RAB38: variants seen among roughly 807,000 people sequenced by gnomAD.
RAB38 encodes the protein ras-related protein Rab-38.
Under a neutral mutation model 18.4 loss-of-function variants are expected in RAB38, and 15 were observed. The observed-to-expected ratio is 0.82, with a 90% CI of 0.55 to 1.26. The LOEUF (loss-of-function observed/expected upper bound fraction) is 1.26, where lower values mean the gene tolerates loss of function less well. Among genes scored for constraint, RAB38 ranks in the 50% most tolerant of loss-of-function variants. The pLI is 0.00. For missense variants in RAB38, 294 were observed against 267.4 expected (o/e 1.10, Z -0.69); for synonymous variants, 101 against 104.4 (o/e 0.97, Z 0.20).
chr11:88,173,663 C>G, intron 1 of RAB38: 1 of 985,302 alleles, frequency 1.0e-6, no homozygotes, highest in Non-Finnish European at 1.2e-6. Flanking sequence ...TTTCGAGCAG[C>G]CAGAAGGGTT....
chr11:88,029,760 G>C, the RAB38 span, among the ~76,000 whole-genome samples: 1 of 151,908 alleles, frequency 6.6e-6, no homozygotes, highest in Admixed American at 6.6e-5. Flanking sequence ...AAGAGACTTA[G>C]ACTCCCACAC....
the RAB38 span, among the ~76,000 whole-genome samples, chr11:88,102,476 C>T: frequency 6.6e-6 from 1 of 152,048 alleles, no homozygotes. Context: ...TCAGGAATTG[C>T]ACACAATTTC....
the RAB38 span, among the ~76,000 whole-genome samples, chr11:87,849,468 A>G: frequency 2.0e-5 from 3 of 152,158 alleles, no homozygotes; most frequent in African/African-American, 7.2e-5. Flanking sequence ...TTTGGTGGGT[A>G]TCTTGTCACA....
the RAB38 span, among the ~76,000 whole-genome samples, chr11:87,806,831 A>G: frequency 2.6e-5 from 4 of 152,224 alleles, no homozygotes; most frequent in African/African-American, 7.2e-5. Flanking sequence ...ACTGCTAACA[A>G]TGAAATGTTT....
chr11:88,099,352 T>C, the RAB38 span, among the ~76,000 whole-genome samples: 1 of 91,298 alleles, frequency 1.1e-5, no homozygotes, highest in African/African-American at 6.4e-5. Context: ...CTTTCCTTGT[T>C]ATGTTATTTT....
At chr11:88,116,076 A>C (rs1942547519) in intron 2 of RAB38, among the ~76,000 whole-genome samples, 1 of 151,668 alleles carries the variant, frequency 6.6e-6, no homozygotes, top group African/African-American at 2.4e-5. Context: ...GTCTTCTGCC[A>C]CTCTTCCTCT....
At chr11:87,809,656 G>T in the RAB38 span, among the ~76,000 whole-genome samples, 1 of 151,018 alleles carries the variant, frequency 6.6e-6, no homozygotes, top group African/African-American at 2.4e-5. Context: ...AGAATAATCA[G>T]AGGAAGCAGA....
the RAB38 span, among the ~76,000 whole-genome samples, chr11:88,015,458 T>C: frequency 1.3e-5 from 2 of 152,150 alleles, no homozygotes; most frequent in South Asian, 2.1e-4. Flanking sequence ...GCTATAAGGA[T>C]TGAATGAGAT....
the RAB38 span, among the ~76,000 whole-genome samples, chr11:88,089,993 A>G: frequency 3.3e-5 from 5 of 151,932 alleles, no homozygotes; most frequent in East Asian, 9.8e-4. Flanking sequence ...CCCACCTCAG[A>G]ACTGGGGGAC....
At chr11:87,904,448 T>C in the RAB38 span, among the ~76,000 whole-genome samples, 2 of 151,822 alleles carry the variant, frequency 1.3e-5, no homozygotes, top group Admixed American at 6.6e-5. Context: ...CTGCATAGTA[T>C]TCTATTGTGT....
the RAB38 span, among the ~76,000 whole-genome samples, chr11:88,078,501 A>ATATATGTGTGTGTGTGTGTG: frequency 1.4e-4 from 21 of 148,794 alleles, no homozygotes; most frequent in African/African-American, 4.5e-4. Flanking sequence ...GTGTGTATAT[A>ATATATGTGTGTGTGTGTGTG]TGTGTGTGTG....
At chr11:87,973,940 CCAAA>C in the RAB38 span, among the ~76,000 whole-genome samples, 1 of 151,892 alleles carries the variant, frequency 6.6e-6, no homozygotes, top group Non-Finnish European at 1.5e-5. Context: ...AATAGATCAT[CCAAA>C]CAAAGAATAA....
the RAB38 span, among the ~76,000 whole-genome samples, chr11:88,040,803 A>G: frequency 2.0e-5 from 3 of 152,172 alleles, no homozygotes; most frequent in African/African-American, 7.2e-5. Context: ...GCTTCAATAC[A>G]TGAATTTTGG....
At chr11:87,824,938 T>G in the RAB38 span, among the ~76,000 whole-genome samples, 1 of 152,054 alleles carries the variant, frequency 6.6e-6, no homozygotes, top group Admixed American at 6.6e-5. Flanking sequence ...CATACATCAT[T>G]GTGAAATTTC....
chr11:88,133,321 A>T lies in RAB38; in HGVS notation c.483+16354T>A, dbSNP rs187615081. 4.5e-4 allele frequency among the ~76,000 whole-genome samples: 69 copies of T among 152,360 alleles called. 1 individual carries two copies. Among genetic ancestry groups the T allele is most frequent in the Admixed American group, 2.0e-3 (30 of 15,308 alleles). ...AAATGTTGGAAACTTCCAAAATTTG[A>T]AAGTTTTAAACAAATGTTATATATT... On this transcript the variant is annotated intron_variant, in intron 2 of 2. Coordinates refer to ENST00000243662, the MANE Select transcript of RAB38 (RefSeq NM_022337.3).
chr11:87,932,200 G>T, the RAB38 span, among the ~76,000 whole-genome samples: 1 of 151,934 alleles, frequency 6.6e-6, no homozygotes, highest in Non-Finnish European at 1.5e-5. Flanking sequence ...TACATGAGAG[G>T]TTGATAGGTA....
the RAB38 span, among the ~76,000 whole-genome samples, chr11:87,854,332 T>C: frequency 6.6e-6 from 1 of 152,208 alleles, no homozygotes; most frequent in Non-Finnish European, 1.5e-5. Flanking sequence ...TTTGAGCCTA[T>C]TTTGTTAATT....
the RAB38 span, among the ~76,000 whole-genome samples, chr11:87,931,399 A>C: frequency 1.3e-5 from 2 of 152,042 alleles, no homozygotes; most frequent in Non-Finnish European, 2.9e-5. Flanking sequence ...ATAAGATGAG[A>C]AGGTGTAGAC....
chr11:88,042,584 A>C, the RAB38 span, among the ~76,000 whole-genome samples: 1 of 152,184 alleles, frequency 6.6e-6, no homozygotes, highest in South Asian at 2.1e-4. Context: ...TGTGCAAGGG[A>C]GACTGGTAAT....
Sources: allele counts gnomAD v4.1 joint callset (sites outside exome capture counted in the v4.1 genomes callset), GRCh38; gene constraint gnomAD v4.1.1; transcripts MANE v1.5; gene names NCBI Gene and HGNC (gene_info 2026-07-23, HGNC 2026-07-21).